PACRG: variants seen among roughly 807,000 people sequenced by gnomAD.
PACRG encodes parkin coregulated gene protein.
A neutral mutation model predicts 29.7 loss-of-function variants in PACRG; 29 were observed. The observed-to-expected ratio is 0.98, with a 90% CI of 0.73 to 1.33. PACRG has a LOEUF of 1.33. PACRG is among the 40% of genes most tolerant of loss of function. The pLI, the probability that PACRG is intolerant of heterozygous loss-of-function variation, is 0.00. For synonymous variants in PACRG, 116 were observed against 118.7 expected (o/e 0.98, Z 0.15); for missense variants, 279 against 316.2 (o/e 0.88, Z 0.89).
intron 2 of PACRG, among the ~76,000 whole-genome samples, chr6:162,978,005 A>C (rs112087699): frequency 0.067 from 10,081 of 151,150 alleles, 975 homozygotes; most frequent in African/African-American, 0.2. Context: ...TTAGCCAGGC[A>C]TGTTGGCAGG....
intron 4 of PACRG, among the ~76,000 whole-genome samples, chr6:163,126,352 G>T (rs926923197): frequency 3.3e-5 from 5 of 152,146 alleles, no homozygotes; most frequent in South Asian, 2.1e-4. Flanking sequence ...AACCACCCAT[G>T]GAACACCTGT....
chr6:163,145,727 C>T (rs1037930445), intron 4 of PACRG, among the ~76,000 whole-genome samples: 3 of 152,172 alleles, frequency 2.0e-5, no homozygotes, highest in East Asian at 1.9e-4. Context: ...ACTGGGATGA[C>T]GGGCATGGAA....
chr6:163,115,492 A>G (rs1338161883), intron 4 of PACRG, among the ~76,000 whole-genome samples: 1 of 152,192 alleles, frequency 6.6e-6, no homozygotes, highest in Non-Finnish European at 1.5e-5. Flanking sequence ...GTGGATGCAT[A>G]CAAAATGAAT....
At chr6:162,758,414 A>G (rs1473897345) in intron 1 of PACRG, among the ~76,000 whole-genome samples, 2 of 152,066 alleles carry the variant, frequency 1.3e-5, no homozygotes, top group African/African-American at 4.8e-5. Context: ...ACTATAGCAT[A>G]TTTTCATCCT....
intron 1 of PACRG, among the ~76,000 whole-genome samples, chr6:162,809,637 GA>G (rs1786662995): frequency 6.6e-6 from 1 of 152,058 alleles, no homozygotes; most frequent in Non-Finnish European, 1.5e-5. Context: ...CAGTATAAGA[GA>G]CAAAAAGAAA....
intron 2 of PACRG, among the ~76,000 whole-genome samples, chr6:162,905,140 C>T (rs1399968206): frequency 3.9e-5 from 6 of 152,076 alleles, no homozygotes; most frequent in East Asian, 1.9e-4. Flanking sequence ...GTGGTGGCCT[C>T]GTTGCCTGAC....
intron 4 of PACRG, among the ~76,000 whole-genome samples, chr6:163,205,716 C>A (rs1780875300): frequency 6.6e-6 from 1 of 152,034 alleles, no homozygotes; most frequent in Non-Finnish European, 1.5e-5. Flanking sequence ...CAAATGGGAC[C>A]TAATTAAACT....
intron 2 of PACRG, among the ~76,000 whole-genome samples, chr6:162,816,917 T>C (rs1006308313): frequency 6.6e-6 from 1 of 152,192 alleles, no homozygotes; most frequent in African/African-American, 2.4e-5. Flanking sequence ...TGCAAACCTC[T>C]GGTCTCAATG....
intron 2 of PACRG, among the ~76,000 whole-genome samples, chr6:163,050,140 T>C (rs894897169): frequency 6.6e-6 from 1 of 152,136 alleles, no homozygotes; most frequent in Non-Finnish European, 1.5e-5. Flanking sequence ...CGTAAGTTTT[T>C]CTCTCCATAT....
chr6:162,929,402 G>A (rs1256170959), intron 2 of PACRG, among the ~76,000 whole-genome samples: 2 of 151,592 alleles, frequency 1.3e-5, no homozygotes, highest in African/African-American at 2.4e-5. Context: ...AATGTCTATT[G>A]GATCTTCTGC....
chr6:163,210,064 G>C (rs1781071161), intron 4 of PACRG, among the ~76,000 whole-genome samples: 1 of 152,104 alleles, frequency 6.6e-6, no homozygotes, highest in African/African-American at 2.4e-5. Flanking sequence ...TCTCCATGAG[G>C]ACCATTGTCA....
intron 2 of PACRG, chr6:163,051,551 C>G (rs1177593273): frequency 6.6e-6 from 1 of 152,018 alleles, no homozygotes; most frequent in African/African-American, 2.4e-5. Context: ...AGAGCTTTGT[C>G]AAACACCAGG....
At chr6:162,931,343 A>T (rs914368413) in intron 2 of PACRG, among the ~76,000 whole-genome samples, 30 of 151,618 alleles carry the variant, frequency 2.0e-4, no homozygotes, top group Non-Finnish European at 3.2e-4. Flanking sequence ...CAGTTTTATC[A>T]ATTTATTCTT....
chr6:163,151,155 T>C (rs1326313407), intron 4 of PACRG, among the ~76,000 whole-genome samples: 2 of 152,198 alleles, frequency 1.3e-5, no homozygotes, highest in Non-Finnish European at 2.9e-5. Context: ...CAAAAGAATA[T>C]ACAGAATCTT....
rs190409999 is a variant in PACRG at position 163,141,644 on chromosome 6, A to G, written c.613+52236A>G. On this transcript the variant is annotated intron_variant, in intron 4 of 4. Coordinates refer to ENST00000366888, the MANE Select transcript of PACRG (RefSeq NM_001080379.2). ...AAAATCCATATTAAGCTAAAGAAAC[A>G]TAAGGAGTAATAGTAAGATCAGATT... is the stretch of plus-strand genomic sequence containing the variant. Among the ~76,000 whole-genome samples the G allele has an allele frequency of 8.5e-5, 13 of 152,236 alleles. 1 individual carries two copies. The highest frequency in any genetic ancestry group is 8.5e-4 in the Admixed American group (13 of 15,300).
chr6:163,089,684 T>C (rs2128301585), intron 4 of PACRG, among the ~76,000 whole-genome samples: 1 of 152,348 alleles, frequency 6.6e-6, no homozygotes, highest in East Asian at 1.9e-4. Context: ...AATTTGAAGT[T>C]TTTTTAATGG....
upstream of PACRG, chr6:162,727,685 G>GC (rs776461846): frequency 4.2e-5 from 66 of 1,572,822 alleles, 1 homozygote; most frequent in Non-Finnish European, 5.7e-5. Flanking sequence ...TGGGTAGGTG[G>GC]CGGCTGCGGG....
intron 1 of PACRG, among the ~76,000 whole-genome samples, chr6:162,783,903 TCTC>T (rs1441940443): frequency 1.3e-5 from 2 of 152,106 alleles, no homozygotes; most frequent in Non-Finnish European, 2.9e-5. Context: ...GAAAACTTCA[TCTC>T]CTTGCTTTTG....
At chr6:163,276,703 T>C (rs1784040896) in intron 4 of PACRG, among the ~76,000 whole-genome samples, 1 of 152,182 alleles carries the variant, frequency 6.6e-6, no homozygotes, top group South Asian at 2.1e-4. Context: ...TGAATGATAT[T>C]AACACCCTTA....
Sources: gnomAD v4.1 joint callset for allele counts (sites outside exome capture counted in the v4.1 genomes callset) on GRCh38, gnomAD v4.1.1 for gene constraint, MANE v1.5 for transcripts, NCBI Gene and HGNC (gene_info 2026-07-23, HGNC 2026-07-21) for gene names.